The following RIMS1 variants were observed in gnomAD, a reference collection of about 807,000 sequenced individuals.
RIMS1 encodes the protein regulating synaptic membrane exocytosis protein 1.
A neutral mutation model predicts 214.1 loss-of-function variants in RIMS1; 83 were observed. That is an observed-to-expected ratio of 0.39 (90% CI 0.32 to 0.47). The LOEUF (loss-of-function observed/expected upper bound fraction) is 0.47, where lower values mean the gene tolerates loss of function less well. Among genes scored for constraint, RIMS1 ranks in the 20% least tolerant of loss-of-function variants. The pLI is 0.99. For missense variants in RIMS1, 2,050 were observed against 2,161.8 expected, an observed-to-expected ratio of 0.95 and a Z score of 1.03; for synonymous variants, 793 against 786.8, an observed-to-expected ratio of 1.01 and a Z score of -0.13.
chr6:72,252,877 C>G (rs577778794), intron 16 of RIMS1, 45 bp downstream of exon 16: 4 of 1,433,098 alleles, frequency 2.8e-6, no homozygotes, highest in Non-Finnish European at 3.8e-6. Flanking sequence ...TGCTGCTTTG[C>G]TTGTTTTCTC....
chr6:71,900,610 A>G (rs759038275), intron 1 of RIMS1, among the ~76,000 whole-genome samples: 33 of 152,002 alleles, frequency 2.2e-4, no homozygotes, highest in Admixed American at 5.2e-4. Context: ...AGATTTGGGA[A>G]GCAAAAACCA....
At chr6:72,117,082 G>A (rs1447358852) in intron 4 of RIMS1, among the ~76,000 whole-genome samples, 1 of 151,854 alleles carries the variant, frequency 6.6e-6, no homozygotes, top group Non-Finnish European at 1.5e-5. Context: ...CTCATATCTG[G>A]TCACTTTAAA....
intron 28 of RIMS1, among the ~76,000 whole-genome samples, chr6:72,315,438 TA>T (rs1388330377): frequency 1.3e-5 from 2 of 152,212 alleles, no homozygotes; most frequent in African/African-American, 4.8e-5. Context: ...GTGGATTATG[TA>T]AATTTAAGCA....
chr6:72,236,783 TAAAA>T (rs11326772), intron 8 of RIMS1, among the ~76,000 whole-genome samples: 17 of 128,482 alleles, frequency 1.3e-4, no homozygotes, highest in Admixed American at 2.3e-4. Flanking sequence ...GCTGATGAGC[TAAAA>T]AAAAAAAAAA....
Position 72,182,280 on chromosome 6 carries a change from A to G in RIMS1, c.813-4A>G. On this transcript the variant is annotated splice_polypyrimidine_tract_variant and splice_region_variant and intron_variant, in intron 5 of 33. Transcript: ENST00000521978. ...TCTCCTTGACGTTCCTTTGTATATC[A>G]TAGAAAGAAGACCCCAGGGCTTTCC... 6.4e-7 allele frequency: 1 copy of G among 1,565,086 alleles called. No individual in the cohort carries two copies. Among genetic ancestry groups the G allele is most frequent in the Non-Finnish European group, 8.6e-7 (1 of 1,160,910 alleles).
intron 2 of RIMS1, among the ~76,000 whole-genome samples, chr6:71,988,946 A>G (rs1800790326): frequency 6.6e-6 from 1 of 152,224 alleles, no homozygotes; most frequent in Non-Finnish European, 1.5e-5. Flanking sequence ...TTATTAAACA[A>G]TTTTTAAACA....
chr6:71,974,515 G>A (rs1295111665), intron 2 of RIMS1, among the ~76,000 whole-genome samples: 1 of 152,078 alleles, frequency 6.6e-6, no homozygotes, highest in African/African-American at 2.4e-5. Flanking sequence ...GATTTAAAAA[G>A]TCCGAGAAAG....
At chr6:71,909,426 A>G (rs1776260081) in intron 1 of RIMS1, among the ~76,000 whole-genome samples, 1 of 152,174 alleles carries the variant, frequency 6.6e-6, no homozygotes, top group Admixed American at 6.5e-5. Flanking sequence ...ACATATATGA[A>G]GAGTTGACTC....
At chr6:72,185,620 G>A (rs926208851) in intron 6 of RIMS1, among the ~76,000 whole-genome samples, 2 of 152,198 alleles carry the variant, frequency 1.3e-5, no homozygotes, top group Non-Finnish European at 2.9e-5. Context: ...GAGGGTTCCT[G>A]TTGTTCAGGA....
intron 6 of RIMS1, chr6:72,216,720 C>G: frequency 1.0e-6 from 1 of 985,964 alleles, no homozygotes; most frequent in South Asian, 4.7e-5. Flanking sequence ...TCAGTGGGAA[C>G]AAGATGAGCT....
At chr6:72,278,914 T>TTC (rs1404997028) in intron 23 of RIMS1, among the ~76,000 whole-genome samples, 1 of 152,026 alleles carries the variant, frequency 6.6e-6, no homozygotes, top group Non-Finnish European at 1.5e-5. Flanking sequence ...ATAAGCCATG[T>TTC]AAGTAGTAAG....
chr6:72,218,481 C>A (rs1028238594), intron 6 of RIMS1, among the ~76,000 whole-genome samples: 1 of 152,202 alleles, frequency 6.6e-6, no homozygotes, highest in Non-Finnish European at 1.5e-5. Flanking sequence ...CCACCTTCCA[C>A]TGGCAAAAAT....
intron 2 of RIMS1, among the ~76,000 whole-genome samples, chr6:71,977,954 G>T (rs527324129): frequency 6.6e-6 from 1 of 152,290 alleles, no homozygotes; most frequent in Non-Finnish European, 1.5e-5. Flanking sequence ...GGGTTGTAAG[G>T]AAAGAGAACT....
intron 1 of RIMS1, among the ~76,000 whole-genome samples, chr6:71,968,528 A>T (rs1458116013): frequency 1.3e-5 from 2 of 152,186 alleles, no homozygotes; most frequent in East Asian, 3.9e-4. Context: ...TTTTTGCATA[A>T]ACAGAAAGAC....
At chr6:71,950,667 G>A (rs191725324) in intron 1 of RIMS1, among the ~76,000 whole-genome samples, 1 of 152,184 alleles carries the variant, frequency 6.6e-6, no homozygotes, top group Non-Finnish European at 1.5e-5. Flanking sequence ...CTGTATGTGT[G>A]TCTGAGAACT....
chr6:72,340,465 G>A (rs1042772775), intron 29 of RIMS1, among the ~76,000 whole-genome samples: 1 of 152,038 alleles, frequency 6.6e-6, no homozygotes, highest in Non-Finnish European at 1.5e-5. Context: ...TTTTATATAA[G>A]GTATAAGGAA....
intron 9 of RIMS1, among the ~76,000 whole-genome samples, chr6:72,240,630 C>CTT (rs11344285): frequency 2.3e-4 from 19 of 82,456 alleles, no homozygotes; most frequent in East Asian, 1.1e-3. Flanking sequence ...TTTCTTTTTT[C>CTT]TTTTTTTTTT....
intron 2 of RIMS1, 37 bp from the exon 3 acceptor site, chr6:72,096,912 A>G (rs950049189): frequency 2.4e-5 from 37 of 1,531,206 alleles, no homozygotes; most frequent in Non-Finnish European, 3.3e-5. Context: ...GTCTTCCACT[A>G]TTTACTTAGT....
chr6:72,252,779 A>G lies in RIMS1; in HGVS notation c.2717A>G (p.Asp906Gly). The G allele has an allele frequency of 1.3e-6, 2 of 1,559,550 alleles. No individual in the cohort carries two copies. The highest frequency in any genetic ancestry group is 1.7e-6 in the Non-Finnish European group (2 of 1,150,492). The change falls in exon 16 of 34, where the codon GAT (aspartate) becomes GGT (glycine). Residue 906 changes from aspartate to glycine, a missense_variant. By Grantham distance (94) the Asp-to-Gly change is moderately conservative (BLOSUM62 -1). This residue lies in a region of RIMS1 where 889 missense variants were observed against 885.5 expected (regional missense o/e 1.00). Transcript: ENST00000521978. ...KKLQRSQRIS[D>G]SDISDYEVDD... The stretch of plus-strand genomic sequence containing the variant: ...TGTGCAGGATCTCAGCGAATCAGTG[A>G]TAGTGACATCTCAGATTATGAGGTT...
Sources: allele counts gnomAD v4.1 joint callset (sites outside exome capture counted in the v4.1 genomes callset), GRCh38; gene constraint gnomAD v4.1.1; regional missense constraint gnomAD v4.1.1; transcripts MANE v1.5; gene names NCBI Gene and HGNC (gene_info 2026-07-23, HGNC 2026-07-21).